Variants in SLC25A43 observed in about 807,000 individuals in gnomAD.
SLC25A43 encodes the protein solute carrier family 25, member 43.
In SLC25A43, 10 loss-of-function variants were observed where a neutral mutation model predicts 22.8. That is an observed-to-expected ratio of 0.44 (90% confidence interval 0.27 to 0.74). SLC25A43 has a LOEUF of 0.74. SLC25A43 is among the 30% of genes least tolerant of loss of function. The pLI is 0.17. For synonymous variants in SLC25A43, 106 were observed against 121.6 expected (o/e 0.87, Z 0.84); for missense variants, 233 against 279.1 (o/e 0.83, Z 1.18).
chrX:119,428,182 C>T (rs897314381), intron 3 of SLC25A43, among the ~76,000 whole-genome samples: 10 of 112,095 alleles, frequency 8.9e-5, no homozygotes, highest in South Asian at 3.7e-4. Flanking sequence ...CGGCTGGGCA[C>T]GGTGGCTCAC....
chrX:119,452,017 C>G lies in SLC25A43; in HGVS notation c.699C>G (p.Ser233Arg). 8.3e-7 allele frequency: 1 copy of G among 1,211,009 alleles called. No individual in the cohort carries two copies. Among genetic ancestry groups the G allele is most frequent in the South Asian group, 1.8e-5 (1 of 56,942 alleles). Residue 233 changes from serine to arginine, a missense_variant, in exon 4 of 5, where the codon AGC becomes AGG. Transcript: ENST00000217909. ...ETVKRKMQAQSPYLPHSGGVD... is the reference protein window; with the variant it reads ...ETVKRKMQAQRPYLPHSGGVD... The stretch of plus-strand genomic sequence containing the variant: ...CTTCTGTTTCCTGTCAGGCTCAGAG[C>G]CCCTACCTCCCACACAGTGGAGGAG...
At chrX:119,400,247 C>G (rs1302450815) in intron 1 of SLC25A43, among the ~76,000 whole-genome samples, 3 of 110,569 alleles carry the variant, frequency 2.7e-5, no homozygotes, top group Non-Finnish European at 5.7e-5. Context: ...GAGGCTGCAG[C>G]TTCCCCTCCC....
chrX:119,428,788 T>C (rs1475146633), intron 3 of SLC25A43, among the ~76,000 whole-genome samples: 1 of 111,832 alleles, frequency 8.9e-6, no homozygotes, highest in Non-Finnish European at 1.9e-5. Context: ...GAGCCCCGCC[T>C]CCTGTCAGAT....
intron 3 of SLC25A43, among the ~76,000 whole-genome samples, chrX:119,415,457 G>A (rs963151960): frequency 9.1e-6 from 1 of 110,128 alleles, no homozygotes; most frequent in Non-Finnish European, 1.9e-5. Flanking sequence ...CACTTTGGGA[G>A]GCCAAGGTGG....
intron 3 of SLC25A43, among the ~76,000 whole-genome samples, chrX:119,420,276 T>C (rs777551216): frequency 9.4e-6 from 1 of 106,734 alleles, no homozygotes; most frequent in East Asian, 2.9e-4. Context: ...CTCAGATCTG[T>C]CTGCGTTAGA....
chrX:119,411,611 T>A (rs970587518), intron 3 of SLC25A43, among the ~76,000 whole-genome samples: 1 of 112,010 alleles, frequency 8.9e-6, no homozygotes, highest in African/African-American at 3.2e-5. Flanking sequence ...AAGCCAATTT[T>A]GATCAAAGAA....
At position 119,399,679 on chromosome X, in the gene SLC25A43, G is replaced by T. The variant is rs955669666; in HGVS notation, c.275+1G>T. ...CCGTGCAGCTCGCCGCCTACCGCAA[G>T]TAAGAGCCGGGCGGGGCCGGGGAAC... On this transcript the variant is annotated splice_donor_variant, in intron 1 of 4. Transcript: ENST00000217909. LOFTEE classifies it high-confidence loss of function. 7 of 963,381 alleles carry T rather than the reference G, an allele frequency of 7.3e-6. No homozygotes were observed. The highest frequency in any genetic ancestry group is 9.1e-6 in the Non-Finnish European group (7 of 771,430). The allele number at this position is 963,381 out of a possible 1,213,427, so 79.4% of individuals were successfully genotyped here.
intron 3 of SLC25A43, among the ~76,000 whole-genome samples, chrX:119,443,427 C>G (rs2052638314): frequency 1.0e-5 from 1 of 98,887 alleles, no homozygotes; most frequent in African/African-American, 3.7e-5. Context: ...AGCCCCCATT[C>G]TCTATTCTCT....
At chrX:119,441,458 C>G (rs1472985945) in intron 3 of SLC25A43, among the ~76,000 whole-genome samples, 1 of 109,132 alleles carries the variant, frequency 9.2e-6, no homozygotes, top group African/African-American at 3.3e-5. Flanking sequence ...AGCTGTAGAC[C>G]GGAGCTGTTC....
intron 1 of SLC25A43, among the ~76,000 whole-genome samples, chrX:119,405,524 T>C (rs1193384094): frequency 1.0e-5 from 1 of 95,312 alleles, no homozygotes; most frequent in Non-Finnish European, 2.0e-5. Context: ...TTTGAGAGGC[T>C]GAGGCGGGCA....
intron 1 of SLC25A43, among the ~76,000 whole-genome samples, chrX:119,406,152 T>C (rs753043223): frequency 1.1e-4 from 12 of 112,567 alleles, no homozygotes; most frequent in Non-Finnish European, 2.1e-4. Flanking sequence ...CAGGTACTTC[T>C]GTGCATTTAC....
chrX:119,448,120 C>T (rs896439734), intron 3 of SLC25A43, among the ~76,000 whole-genome samples: 3 of 111,531 alleles, frequency 2.7e-5, no homozygotes, highest in East Asian at 2.8e-4. Flanking sequence ...TAGAGCCATC[C>T]TTGACTCTCC....
At chrX:119,400,070 T>C (rs2052223871) in intron 1 of SLC25A43, among the ~76,000 whole-genome samples, 1 of 111,657 alleles carries the variant, frequency 9.0e-6, no homozygotes, top group African/African-American at 3.3e-5. Flanking sequence ...TAGGCTGGCT[T>C]AGGAAGAGAG....
intron 1 of SLC25A43, among the ~76,000 whole-genome samples, chrX:119,402,649 G>A (rs1430109895): frequency 8.9e-6 from 1 of 111,770 alleles, no homozygotes; most frequent in Non-Finnish European, 1.9e-5. Context: ...ATCTGTGCTG[G>A]CTGAAAGGAA....
intron 3 of SLC25A43, among the ~76,000 whole-genome samples, chrX:119,445,521 G>A (rs952909854): frequency 1.8e-5 from 2 of 111,409 alleles, no homozygotes; most frequent in Non-Finnish European, 3.8e-5. Flanking sequence ...GGCTGTTAGG[G>A]GCAGCATAAG....
chrX:119,451,958 T>C, intron 3 of SLC25A43, 51 bp from the exon 4 acceptor site: 1 of 1,205,673 alleles, frequency 8.3e-7, no homozygotes. Context: ...CACTAGGACA[T>C]TTATTTCCTA....
chrX:119,412,926 C>G (rs1294228465), intron 3 of SLC25A43, among the ~76,000 whole-genome samples: 4 of 109,750 alleles, frequency 3.6e-5, no homozygotes, highest in African/African-American at 1.3e-4. Flanking sequence ...TTGAGACCAG[C>G]CTTAGCAACA....
chrX:119,444,558 C>T (rs2052649107), intron 3 of SLC25A43, among the ~76,000 whole-genome samples: 1 of 108,716 alleles, frequency 9.2e-6, no homozygotes, highest in Non-Finnish European at 1.9e-5. Context: ...ACAAAAAAAG[C>T]CAGGCATGGT....
intron 3 of SLC25A43, chrX:119,423,929 T>C (rs1344053463): frequency 9.1e-6 from 1 of 109,449 alleles, no homozygotes; most frequent in Non-Finnish European, 1.9e-5. Flanking sequence ...AGAAAGAAAT[T>C]ATAGGCCGGG....
Sources: gnomAD v4.1 joint callset for allele counts (sites outside exome capture counted in the v4.1 genomes callset) on GRCh38, gnomAD v4.1.1 for gene constraint, MANE v1.5 for transcripts, NCBI Gene and HGNC (gene_info 2026-07-23, HGNC 2026-07-21) for gene names.